The following TENM3 variants were observed in gnomAD, a reference collection of about 807,000 sequenced individuals.
The protein encoded by TENM3 is teneurin transmembrane protein 3.
Under a neutral mutation model 255.1 loss-of-function variants are expected in TENM3, and 63 were observed. The ratio of observed to expected loss-of-function variants is 0.25; its 90% CI spans 0.20 to 0.30. The LOEUF is 0.30. Among genes scored for constraint, TENM3 ranks in the 10% least tolerant of loss-of-function variants. The probability of loss-of-function intolerance (pLI) is 1.00; values close to 1 mark genes in which losing one functional copy is unlikely to be tolerated. For missense variants in TENM3, 2,929 were observed against 3,461.1 expected, an observed-to-expected ratio of 0.85 and a Z score of 3.86; for synonymous variants, 1,306 against 1,322.3, an observed-to-expected ratio of 0.99 and a Z score of 0.27.
the TENM3 span, among the ~76,000 whole-genome samples, chr4:181,916,958 TA>T: frequency 3.3e-5 from 5 of 151,750 alleles, no homozygotes; most frequent in Admixed American, 6.6e-5. Context: ...AGAGGCCTGA[TA>T]AAAAAAAATT....
At chr4:181,773,765 G>A in the TENM3 span, among the ~76,000 whole-genome samples, 11 of 152,056 alleles carry the variant, frequency 7.2e-5, no homozygotes, top group African/African-American at 2.7e-4. Flanking sequence ...GTTTATAACT[G>A]CCTACCTCTT....
rs998799966 is a variant in TENM3, at chr4:182,774,843, C to G, written c.5069-75C>G. 1.6e-5 allele frequency: 17 copies of G among 1,052,776 alleles called. No individual in the cohort carries two copies. The Admixed American group carries it at 2.2e-4, about 14-fold the overall frequency. 65.2% of individuals were successfully genotyped at this position (1,052,776 alleles called of 1,614,324 possible). A position where few individuals can be genotyped will look rare whatever the true frequency, so the allele number is the denominator to read the frequency against. ...CTAGTCAACTTTTAGAAATTTAGAA[C>G]CTATCTCACGGCACAACCGGCCAAG... is the stretch of plus-strand genomic sequence containing the variant. On this transcript the variant is annotated intron_variant, in intron 23 of 27. Transcript: ENST00000511685.
chr4:181,657,209 A>C, the TENM3 span, among the ~76,000 whole-genome samples: 1 of 152,244 alleles, frequency 6.6e-6, no homozygotes, highest in African/African-American at 2.4e-5. Context: ...CCAGGAAAAA[A>C]TAATTCTGTG....
At chr4:181,817,786 G>T in the TENM3 span, among the ~76,000 whole-genome samples, 4 of 152,280 alleles carry the variant, frequency 2.6e-5, no homozygotes, top group South Asian at 6.2e-4. Flanking sequence ...ACGCCAACCT[G>T]CTAGCATCTT....
At chr4:182,322,901 A>G (rs1179277496) in intron 1 of TENM3, among the ~76,000 whole-genome samples, 1 of 152,224 alleles carries the variant, frequency 6.6e-6, no homozygotes, top group Non-Finnish European at 1.5e-5. Context: ...CAAGTTGACT[A>G]TGGAATCACT....
At chr4:181,880,515 C>T in the TENM3 span, among the ~76,000 whole-genome samples, 1 of 152,046 alleles carries the variant, frequency 6.6e-6, no homozygotes, top group Admixed American at 6.6e-5. Flanking sequence ...ATCATTTTGA[C>T]TGATATATTG....
the TENM3 span, among the ~76,000 whole-genome samples, chr4:181,492,622 G>C: frequency 1.8e-4 from 27 of 151,996 alleles, no homozygotes; most frequent in South Asian, 4.2e-4. Context: ...GAATATTTTC[G>C]GTTTTATTTA....
chr4:182,319,921 T>C (rs987321574), intron 1 of TENM3, among the ~76,000 whole-genome samples: 13 of 152,266 alleles, frequency 8.5e-5, no homozygotes, highest in African/African-American at 3.1e-4. Context: ...GAGACAAGCC[T>C]TGCCAACATG....
Position 182,365,066 on chromosome 4 carries a change from A to G in TENM3, c.511+18137A>G, listed in dbSNP as rs1156499832. ...GTGCCTTTTCCCCCAGGGCACTGAC[A>G]GGGAGTGTTTCCATGCTTTAAATTT... On this transcript the variant is annotated intron_variant, in intron 3 of 27. Coordinates refer to ENST00000511685, the MANE Select transcript of TENM3 (RefSeq NM_001080477.4). Among the ~76,000 whole-genome samples the G allele has an allele frequency of 3.3e-5, 5 of 152,224 alleles. No homozygotes were observed. The East Asian group carries it at 5.8e-4, about 18-fold the overall frequency.
the TENM3 span, among the ~76,000 whole-genome samples, chr4:181,743,689 G>C: frequency 6.6e-6 from 1 of 152,048 alleles, no homozygotes; most frequent in African/African-American, 2.4e-5. Context: ...AGAAAAGGGG[G>C]GGCCACACAT....
chr4:181,589,724 A>G, the TENM3 span, among the ~76,000 whole-genome samples: 1 of 152,208 alleles, frequency 6.6e-6, no homozygotes, highest in Non-Finnish European at 1.5e-5. Flanking sequence ...AGAGCTGATC[A>G]CTTATGTACT....
the TENM3 span, among the ~76,000 whole-genome samples, chr4:181,899,672 A>G: frequency 6.6e-6 from 1 of 151,856 alleles, no homozygotes; most frequent in African/African-American, 2.4e-5. Flanking sequence ...GGTTCAAGTG[A>G]TTCTCCTGCC....
the TENM3 span, among the ~76,000 whole-genome samples, chr4:182,137,330 AC>A: frequency 4.7e-5 from 3 of 63,450 alleles, no homozygotes; most frequent in Non-Finnish European, 7.7e-5. Context: ...CTTCTCTGCC[AC>A]CTCCCCCCCC....
the TENM3 span, among the ~76,000 whole-genome samples, chr4:182,031,843 G>T: frequency 6.6e-6 from 1 of 151,958 alleles, no homozygotes; most frequent in East Asian, 1.9e-4. Context: ...TTATGATTTG[G>T]CTCTGTACTT....
chr4:182,268,271 T>C (rs1279147377), intron 1 of TENM3, among the ~76,000 whole-genome samples: 1 of 152,214 alleles, frequency 6.6e-6, no homozygotes, highest in Non-Finnish European at 1.5e-5. Context: ...TCTCCTTTTG[T>C]TGAAACTCAA....
At chr4:182,039,626 G>A in the TENM3 span, among the ~76,000 whole-genome samples, 2 of 152,072 alleles carry the variant, frequency 1.3e-5, no homozygotes, top group Middle Eastern at 6.8e-3. Context: ...TGATAGATAT[G>A]CACATATACA....
chr4:182,288,600 C>T (rs1004395938), intron 1 of TENM3, among the ~76,000 whole-genome samples: 10 of 152,282 alleles, frequency 6.6e-5, no homozygotes, highest in Middle Eastern at 3.4e-3. Context: ...CCAACTACTA[C>T]GTGGCAGGCA....
At position 182,737,036 on chromosome 4, in the gene TENM3, G is replaced by A. The variant is rs377122199; in HGVS notation, c.3196G>A (p.Ala1066Thr). ...AYTFIWDKTD[A>T]YNQKVYGLSE... The stretch of plus-strand genomic sequence containing the variant: ...TACTTTCATATGGGATAAAACAGAT[G>A]CATATAATCAGAAAGTCTATGGTCT... Residue 1066 changes from alanine (A) to threonine (T), a missense_variant, in exon 17 of 28, where the codon GCA becomes ACA. Physicochemically the swap from Ala to Thr is moderately conservative, Grantham distance 58. Transcript: ENST00000511685. 1.2e-6 allele frequency: 2 copies of A among 1,613,798 alleles called. No individual in the cohort carries two copies. Among genetic ancestry groups the A allele is most frequent in the African/African-American group, 1.3e-5 (1 of 75,040 alleles).
At chr4:181,747,441 C>G in the TENM3 span, among the ~76,000 whole-genome samples, 1 of 151,978 alleles carries the variant, frequency 6.6e-6, no homozygotes, top group Non-Finnish European at 1.5e-5. Flanking sequence ...TCCTGTCTTC[C>G]CTAGTGGTAA....
Sources: allele counts gnomAD v4.1 joint callset (sites outside exome capture counted in the v4.1 genomes callset), GRCh38; gene constraint gnomAD v4.1.1; transcripts MANE v1.5; gene names NCBI Gene and HGNC (gene_info 2026-07-23, HGNC 2026-07-21).